Variants in XKR4 observed in about 807,000 individuals in gnomAD.
The protein encoded by XKR4 is XK related 4.
A neutral mutation model predicts 53.9 loss-of-function variants in XKR4; 12 were observed. The observed-to-expected ratio is 0.22, with a 90% CI of 0.14 to 0.36. The LOEUF is 0.36. Ranked by LOEUF, XKR4 falls within the 10% of genes least tolerant of loss-of-function variation. XKR4 has a pLI of 1.00. For synonymous variants in XKR4, 354 were observed against 362.4 expected (o/e 0.98, Z 0.26); for missense variants, 799 against 859.5 (o/e 0.93, Z 0.88).
chr8:55,169,597 G>GACAA (rs1385610508), intron 1 of XKR4, among the ~76,000 whole-genome samples: 2 of 152,226 alleles, frequency 1.3e-5, no homozygotes, highest in Non-Finnish European at 2.9e-5. Context: ...CATCATGACA[G>GACAA]CATGGACACC....
chr8:55,222,465 A>G (rs902143364), intron 1 of XKR4, among the ~76,000 whole-genome samples: 5 of 152,256 alleles, frequency 3.3e-5, no homozygotes, highest in Admixed American at 2.6e-4. Flanking sequence ...GACATGCCAC[A>G]GTCTCCTTAG....
rs766514911 is a variant in XKR4 at position 55,514,270 on chromosome 8, GAGA to G, written c.1007-9008_1007-9006del. 9.2e-5 allele frequency among the ~76,000 whole-genome samples: 5 copies of G among 54,202 alleles called. No homozygotes were observed. In the South Asian group the frequency reaches 1.7e-3, roughly 18 times the overall value. The allele number at this position is 54,202 out of a possible 152,430, so 35.6% of individuals were successfully genotyped here. A position where few individuals can be genotyped will look rare whatever the true frequency, so the allele number is the denominator to read the frequency against. On this transcript the variant is annotated intron_variant, in intron 2 of 2. Transcript: ENST00000327381. ...ATTCTTTTTTTTTTTTTTTTTTTTT[GAGA>G]AGGAGTCTCACTCACTCTTGTCACC...
In XKR4 at chr8:55,266,652, G is replaced by A. The variant is rs555296838; in HGVS notation, c.807-91026G>A. 3.9e-5 allele frequency among the ~76,000 whole-genome samples: 6 copies of A among 152,244 alleles called. No individual in the cohort carries two copies. The East Asian group carries it at 5.8e-4, about 15-fold the overall frequency. Reference sequence around the variant, plus strand: ...CCTGTTCAAGTATGAGATCAAAAATGAGAGGTTTTGTGATTTTCTGGACGG... The same window carrying A: ...CCTGTTCAAGTATGAGATCAAAAATAAGAGGTTTTGTGATTTTCTGGACGG... On this transcript the variant is annotated intron_variant, in intron 1 of 2. Coordinates refer to ENST00000327381, the MANE Select transcript of XKR4 (RefSeq NM_052898.2).
chr8:55,453,456 C>A, intron 2 of XKR4: 1 of 399,988 alleles, frequency 2.5e-6, no homozygotes, highest in South Asian at 1.9e-5. Context: ...AGCATCTTCC[C>A]CTCAAACACG....
intron 1 of XKR4, among the ~76,000 whole-genome samples, chr8:55,162,940 G>A (rs1817006327): frequency 6.6e-6 from 1 of 151,972 alleles, no homozygotes; most frequent in Non-Finnish European, 1.5e-5. Context: ...AAATATAATA[G>A]CCTAAAGTGT....
At chr8:55,194,228 G>A (rs920237323) in intron 1 of XKR4, among the ~76,000 whole-genome samples, 3 of 152,226 alleles carry the variant, frequency 2.0e-5, no homozygotes, top group Non-Finnish European at 4.4e-5. Flanking sequence ...GGCGCTGCCA[G>A]CAACCACTGA....
chr8:55,411,502 C>T (rs542986152), intron 2 of XKR4, among the ~76,000 whole-genome samples: 4 of 152,306 alleles, frequency 2.6e-5, no homozygotes, highest in Admixed American at 1.3e-4. Context: ...TCCAAGAACT[C>T]GAGTCACACG....
At position 55,234,082 on chromosome 8, in the gene XKR4, T is replaced by C. The variant is rs75798127; in HGVS notation, c.807-123596T>C. On this transcript the variant is annotated intron_variant, in intron 1 of 2. Coordinates refer to ENST00000327381, the MANE Select transcript of XKR4 (RefSeq NM_052898.2). ...AGGATTTAGGAAACTGTGGTCAAGA[T>C]AGATATTAGCAAAATGTGATTCCTG... Among the ~76,000 whole-genome samples, 669 of 152,230 alleles carry C rather than the reference T, an allele frequency of 4.4e-3. 7 individuals carry two copies. The highest frequency in any genetic ancestry group is 0.015 in the African/African-American group (637 of 41,538).
At chr8:55,138,541 C>T (rs1211489738) in intron 1 of XKR4, among the ~76,000 whole-genome samples, 1 of 152,160 alleles carries the variant, frequency 6.6e-6, no homozygotes, top group Non-Finnish European at 1.5e-5. Flanking sequence ...TGCTAAAGAG[C>T]ACTTAAATAT....
intron 1 of XKR4, among the ~76,000 whole-genome samples, chr8:55,152,514 GGTCA>G (rs1444769204): frequency 1.3e-5 from 2 of 152,172 alleles, no homozygotes; most frequent in East Asian, 1.9e-4. Context: ...ATAAATGAAT[GGTCA>G]GTCATTTACA....
chr8:55,437,020 G>A (rs185498233), intron 2 of XKR4, among the ~76,000 whole-genome samples: 2 of 152,212 alleles, frequency 1.3e-5, no homozygotes, highest in Non-Finnish European at 2.9e-5. Flanking sequence ...GGGATTTGCC[G>A]TTCCTATTCA....
intron 1 of XKR4, among the ~76,000 whole-genome samples, chr8:55,198,412 G>T (rs1817532159): frequency 6.6e-6 from 1 of 151,948 alleles, no homozygotes; most frequent in South Asian, 2.1e-4. Context: ...ACTTTAAACT[G>T]ATAATAAGGC....
At chr8:55,396,050 AT>A (rs1261480658) in intron 2 of XKR4, among the ~76,000 whole-genome samples, 1 of 152,210 alleles carries the variant, frequency 6.6e-6, no homozygotes, top group African/African-American at 2.4e-5. Flanking sequence ...GAGTCATCCC[AT>A]TCATGGGGGT....
At chr8:55,282,677 C>T (rs1446017832) in intron 1 of XKR4, among the ~76,000 whole-genome samples, 1 of 152,120 alleles carries the variant, frequency 6.6e-6, no homozygotes, top group Non-Finnish European at 1.5e-5. Context: ...TGTCCTACCT[C>T]CAACATTGGG....
At chr8:55,456,294 G>A (rs928893080) in intron 2 of XKR4, among the ~76,000 whole-genome samples, 10 of 152,132 alleles carry the variant, frequency 6.6e-5, no homozygotes, top group African/African-American at 2.4e-4. Flanking sequence ...AGCCTGGCTT[G>A]GTGGCATGTG....
chr8:55,278,932 A>C (rs1818800791), intron 1 of XKR4, among the ~76,000 whole-genome samples: 2 of 152,216 alleles, frequency 1.3e-5, no homozygotes. Context: ...CACAGATTGC[A>C]ACATGAAGAG....
At chr8:55,267,029 C>G (rs923380566) in intron 1 of XKR4, among the ~76,000 whole-genome samples, 13 of 152,064 alleles carry the variant, frequency 8.5e-5, no homozygotes, top group African/African-American at 2.7e-4. Context: ...TTAATAATTA[C>G]TGGAACAAGA....
At chr8:55,279,495 A>C (rs1818807173) in intron 1 of XKR4, among the ~76,000 whole-genome samples, 1 of 152,316 alleles carries the variant, frequency 6.6e-6, no homozygotes, top group African/African-American at 2.4e-5. Flanking sequence ...TGTTTAGGTG[A>C]ATCTGTGATC....
At chr8:55,168,456 G>T (rs1817101079) in intron 1 of XKR4, among the ~76,000 whole-genome samples, 1 of 152,134 alleles carries the variant, frequency 6.6e-6, no homozygotes, top group South Asian at 2.1e-4. Flanking sequence ...ATTTTAAAAT[G>T]CATCCTATGT....
Sources: gnomAD v4.1 joint callset for allele counts (sites outside exome capture counted in the v4.1 genomes callset) on GRCh38, gnomAD v4.1.1 for gene constraint, MANE v1.5 for transcripts, NCBI Gene and HGNC (gene_info 2026-07-23, HGNC 2026-07-21) for gene names.